Variants in CPED1 observed in about 807,000 individuals in gnomAD.
The protein encoded by CPED1 is cadherin like and PC-esterase domain containing 1.
Under a neutral mutation model 128.2 loss-of-function variants are expected in CPED1, and 114 were observed. That is an observed-to-expected ratio of 0.89 (90% CI 0.76 to 1.04). The LOEUF is 1.04. Ranked by LOEUF, CPED1 falls within the 50% of genes least tolerant of loss-of-function variation. The pLI is 0.00. For missense variants in CPED1, 1,211 were observed against 1,207.1 expected, an observed-to-expected ratio of 1.00 and a Z score of -0.05; for synonymous variants, 462 against 426.7, an observed-to-expected ratio of 1.08 and a Z score of -1.02.
intron 4 of CPED1, among the ~76,000 whole-genome samples, chr7:121,061,748 T>C (rs1208352321): frequency 6.6e-6 from 1 of 152,222 alleles, no homozygotes; most frequent in Non-Finnish European, 1.5e-5. Context: ...TCTTATACAT[T>C]TTATGATACG....
intron 16 of CPED1, among the ~76,000 whole-genome samples, chr7:121,194,300 C>T (rs1271821494): frequency 6.6e-6 from 1 of 151,904 alleles, no homozygotes; most frequent in East Asian, 1.9e-4. Flanking sequence ...ATCCACCTGC[C>T]TTGGCCTCCC....
chr7:121,045,117 T>C (rs1360376900), intron 3 of CPED1, among the ~76,000 whole-genome samples: 1 of 152,186 alleles, frequency 6.6e-6, no homozygotes, highest in African/African-American at 2.4e-5. Context: ...ATATAGTATT[T>C]GGTTTTGTCT....
At chr7:121,119,714 T>C (rs919137427) in intron 7 of CPED1, among the ~76,000 whole-genome samples, 2 of 151,984 alleles carry the variant, frequency 1.3e-5, no homozygotes, top group African/African-American at 4.8e-5. Context: ...ATCATAATCC[T>C]TTCTAAGTGT....
In CPED1 at chr7:121,296,204, A is replaced by G. The variant is rs1175677815; in HGVS notation, c.*552A>G. On this transcript the variant is annotated 3_prime_UTR_variant, in exon 23 of 23. Coordinates refer to ENST00000310396, the MANE Select transcript of CPED1 (RefSeq NM_024913.5). ...CTATACTTTTTAAATTTTATTACTGAAAGGAAAAGAACAGGAATGTTCCAC... is the reference window on the plus strand; with the variant it reads ...CTATACTTTTTAAATTTTATTACTGGAAGGAAAAGAACAGGAATGTTCCAC... 6 of 152,544 alleles carry G rather than the reference A, an allele frequency of 3.9e-5. No homozygotes were observed. Among genetic ancestry groups the G allele is most frequent in the Admixed American group, 3.9e-4 (6 of 15,280 alleles). 9.4% of individuals were successfully genotyped at this position (152,544 alleles called of 1,614,324 possible).
intron 5 of CPED1, among the ~76,000 whole-genome samples, chr7:121,087,367 C>G (rs1794450256): frequency 6.6e-6 from 1 of 152,156 alleles, no homozygotes; most frequent in South Asian, 2.1e-4. Flanking sequence ...CTCCAACAAA[C>G]TGATATAGAT....
At chr7:121,070,633 A>G (rs1344942679) in intron 5 of CPED1, among the ~76,000 whole-genome samples, 1 of 152,178 alleles carries the variant, frequency 6.6e-6, no homozygotes, top group Non-Finnish European at 1.5e-5. Flanking sequence ...TCTAATTGGT[A>G]GAATTTCTGG....
At chr7:121,140,756 A>G (rs1453958755) in intron 14 of CPED1, 71 bp from the exon 15 acceptor site, 1 of 1,089,454 alleles carries the variant, frequency 9.2e-7, no homozygotes, top group Non-Finnish European at 1.3e-6. Flanking sequence ...AGAAAAACCT[A>G]ATCATATATT....
intron 5 of CPED1, among the ~76,000 whole-genome samples, chr7:121,070,254 GT>G (rs558461675): frequency 9.0e-4 from 136 of 150,434 alleles, no homozygotes; most frequent in African/African-American, 3.1e-3. Context: ...TTTATTTTAG[GT>G]GGCACTGATG....
chr7:121,213,255 G>A (rs1357888909), intron 16 of CPED1, among the ~76,000 whole-genome samples: 2 of 151,936 alleles, frequency 1.3e-5, no homozygotes, highest in Non-Finnish European at 2.9e-5. Context: ...AACCCTATTT[G>A]TTCCATTTAT....
chr7:121,104,470 G>A (rs774491040), intron 7 of CPED1, among the ~76,000 whole-genome samples: 8 of 152,076 alleles, frequency 5.3e-5, no homozygotes, highest in Non-Finnish European at 8.8e-5. Context: ...CAACAGAGAG[G>A]CAACTGTAAT....
chr7:121,019,747 T>C (rs1324702895), intron 3 of CPED1, among the ~76,000 whole-genome samples: 2 of 152,010 alleles, frequency 1.3e-5, no homozygotes, highest in African/African-American at 4.8e-5. Context: ...CTATTATGGT[T>C]CTCCCATCCC....
chr7:121,034,719 A>G (rs1161011014), intron 3 of CPED1, among the ~76,000 whole-genome samples: 1 of 152,162 alleles, frequency 6.6e-6, no homozygotes, highest in Admixed American at 6.6e-5. Flanking sequence ...ACTTACTTGT[A>G]TATACCAATC....
intron 18 of CPED1, chr7:121,261,633 T>C: frequency 6.2e-7 from 1 of 1,610,524 alleles, no homozygotes; most frequent in Non-Finnish European, 8.5e-7. Context: ...TTCCTTCAGT[T>C]GGGTGTCGAT....
rs749060168 is a variant in CPED1 at position 121,133,891 on chromosome 7, A to T, written c.1646A>T (p.Lys549Ile). ...QVPFDAIENK[K>I]AAVPQIKNEN... ...CCATTTGATGCAATAGAAAATAAAAAAGGTAAAAATATAGATATTCCCACT... is the reference window on the plus strand; with the variant it reads ...CCATTTGATGCAATAGAAAATAAAATAGGTAAAAATATAGATATTCCCACT... Residue 549 changes from lysine to isoleucine, a missense_variant and splice_region_variant, in exon 13 of 23, where the codon AAA (lysine) becomes ATA (isoleucine). Transcript: ENST00000310396. The T allele has an allele frequency of 6.5e-7, 1 of 1,549,946 alleles. No individual in the cohort carries two copies. Among genetic ancestry groups the T allele is most frequent in the Non-Finnish European group, 8.9e-7 (1 of 1,129,850 alleles).
intron 5 of CPED1, among the ~76,000 whole-genome samples, chr7:121,069,059 T>A (rs1264806033): frequency 1.3e-5 from 2 of 152,098 alleles, no homozygotes; most frequent in East Asian, 1.9e-4. Context: ...ATATAAACTT[T>A]CCTTTGCTCT....
At chr7:121,064,400 C>A in intron 5 of CPED1, 87 bp downstream of exon 5, 1 of 860,442 alleles carries the variant, frequency 1.2e-6, no homozygotes, top group Non-Finnish European at 1.9e-6. Context: ...CTCAGGTCAG[C>A]ATCTGTTGCT....
At chr7:121,226,592 A>G (rs2116637708) in intron 16 of CPED1, among the ~76,000 whole-genome samples, 1 of 152,196 alleles carries the variant, frequency 6.6e-6, no homozygotes, top group Non-Finnish European at 1.5e-5. Flanking sequence ...TGTAAAGTAG[A>G]TTTGTAGGAT....
chr7:121,119,370 T>G (rs2968338), intron 7 of CPED1, among the ~76,000 whole-genome samples: 1 of 150,248 alleles, frequency 6.7e-6, no homozygotes, highest in Non-Finnish European at 1.5e-5. Flanking sequence ...TTTCACCATG[T>G]TGGTCAGGCT....
At chr7:121,044,189 T>C (rs189503798) in intron 3 of CPED1, among the ~76,000 whole-genome samples, 11 of 152,160 alleles carry the variant, frequency 7.2e-5, no homozygotes, top group South Asian at 4.2e-4. Flanking sequence ...TGAAACTTCA[T>C]TAAAAAAAGA....
Sources: gnomAD v4.1 joint callset for allele counts (sites outside exome capture counted in the v4.1 genomes callset) on GRCh38, gnomAD v4.1.1 for gene constraint, MANE v1.5 for transcripts, NCBI Gene and HGNC (gene_info 2026-07-23, HGNC 2026-07-21) for gene names.